Variants in MEGF11 observed in about 807,000 individuals in gnomAD.
MEGF11 encodes the protein multiple epidermal growth factor-like domains protein 11.
Under a neutral mutation model 146.6 loss-of-function variants are expected in MEGF11, and 126 were observed. That is an observed-to-expected ratio of 0.86 (90% confidence interval 0.74 to 1.00). The LOEUF is 1.00. MEGF11 is among the 50% of genes least tolerant of loss of function. The probability of loss-of-function intolerance (pLI) is 0.00; values close to 1 mark genes in which losing one functional copy is unlikely to be tolerated. For synonymous variants in MEGF11, 532 were observed against 583.4 expected (o/e 0.91, Z 1.27); for missense variants, 1,509 against 1,521.2 (o/e 0.99, Z 0.13).
intron 7 of MEGF11, among the ~76,000 whole-genome samples, chr15:65,971,651 G>A (rs550821323): frequency 6.6e-6 from 1 of 152,272 alleles, no homozygotes; most frequent in South Asian, 2.1e-4. Context: ...AGGAGCTCAA[G>A]AGAAATGACC....
In MEGF11 at chr15:65,930,870, T is replaced by G; in HGVS notation, c.1361A>C (p.Asn454Thr). 6.2e-7 allele frequency: 1 copy of G among 1,611,772 alleles called. No homozygotes were observed. Among genetic ancestry groups the G allele is most frequent in the Non-Finnish European group, 8.5e-7 (1 of 1,178,886 alleles). The part of the protein sequence containing the change: ...PNCSSICSCN[N>T]GGTCSPVDGS... ...ATCTACTGGGGAGCAGGTGCCACCATTGTTACAGCTACAGATGGACGAGCA... is the reference window on the plus strand; with the variant it reads ...ATCTACTGGGGAGCAGGTGCCACCAGTGTTACAGCTACAGATGGACGAGCA... The change falls in exon 11 of 26, where the codon AAT becomes ACT. Residue 454 changes from asparagine to threonine, a missense_variant. By Grantham distance (65) the Asn-to-Thr change is moderately conservative. Coordinates refer to ENST00000395614, the MANE Select transcript of MEGF11 (RefSeq NM_001385028.1).
At chr15:65,898,216 T>C (rs1416037398) in intron 25 of MEGF11, 122 bp from the exon 26 acceptor site, 5 of 1,458,368 alleles carry the variant, frequency 3.4e-6, no homozygotes, top group Non-Finnish European at 3.6e-6. Context: ...CTATGGCAAA[T>C]ACATGAGGGT....
chr15:65,939,622 G>C (rs558571530), intron 10 of MEGF11, among the ~76,000 whole-genome samples: 72 of 151,880 alleles, frequency 4.7e-4, no homozygotes, highest in African/African-American at 1.7e-3. Context: ...AGCCTCCTGA[G>C]TAGCTGGCAT....
intron 1 of MEGF11, among the ~76,000 whole-genome samples, chr15:66,218,932 G>A (rs1042471124): frequency 2.9e-4 from 33 of 113,280 alleles, no homozygotes; most frequent in African/African-American, 1.2e-3. Flanking sequence ...GAAGAGAAAA[G>A]ATAGCCTTTC....
At chr15:66,036,595 T>C (rs79475115) in intron 5 of MEGF11, among the ~76,000 whole-genome samples, 2 of 152,326 alleles carry the variant, frequency 1.3e-5, no homozygotes, top group South Asian at 4.1e-4. Flanking sequence ...TATTGGCTTT[T>C]TGACACCGAG....
chr15:65,943,135 C>A (rs1596878991), intron 10 of MEGF11, among the ~76,000 whole-genome samples: 1 of 151,824 alleles, frequency 6.6e-6, no homozygotes, highest in Non-Finnish European at 1.5e-5. Context: ...GCACATGCCA[C>A]CAGGCCTGGC....
intron 1 of MEGF11, among the ~76,000 whole-genome samples, chr15:66,236,952 C>T (rs1246409415): frequency 6.6e-6 from 1 of 152,196 alleles, no homozygotes; most frequent in Non-Finnish European, 1.5e-5. Context: ...TCTCAGGACC[C>T]TCCGTGTGCC....
chr15:66,169,066 T>C (rs1347064302), intron 1 of MEGF11, among the ~76,000 whole-genome samples: 1 of 152,224 alleles, frequency 6.6e-6, no homozygotes, highest in Middle Eastern at 3.2e-3. Flanking sequence ...AAATCCCACA[T>C]GTGCTCGCAT....
At chr15:65,970,513 T>C in intron 8 of MEGF11, 40 bp downstream of exon 8, 1 of 1,597,420 alleles carries the variant, frequency 6.3e-7, no homozygotes, top group Non-Finnish European at 8.6e-7. Context: ...TGAATATGAG[T>C]AAAATGGACA....
intron 5 of MEGF11, among the ~76,000 whole-genome samples, chr15:66,055,807 C>G (rs1251997339): frequency 2.0e-5 from 3 of 152,194 alleles, no homozygotes; most frequent in Non-Finnish European, 4.4e-5. Flanking sequence ...ACAACCTCAA[C>G]ATGATTCGGG....
chr15:66,161,418 C>T (rs2141077056), intron 1 of MEGF11, among the ~76,000 whole-genome samples: 1 of 152,246 alleles, frequency 6.6e-6, no homozygotes, highest in East Asian at 1.9e-4. Context: ...CAGGATCTTG[C>T]TCTATCACCC....
At chr15:65,913,408 G>A in intron 20 of MEGF11, 1 of 425,866 alleles carries the variant, frequency 2.3e-6, no homozygotes, top group Non-Finnish European at 4.3e-6. Flanking sequence ...TCAGGTTGGG[G>A]AGACAGTCCT....
chr15:65,990,613 A>AGG, intron 5 of MEGF11, among the ~76,000 whole-genome samples: 2 of 137,838 alleles, frequency 1.5e-5, no homozygotes, highest in Admixed American at 7.2e-5. Flanking sequence ...AAGAAAAGAA[A>AGG]AAAAAGAAAA....
At position 66,029,841 on chromosome 15, in the gene MEGF11, G is replaced by A. The variant is rs531675075; in HGVS notation, c.395-47353C>T. 6.6e-5 allele frequency among the ~76,000 whole-genome samples: 10 copies of A among 152,234 alleles called. No individual in the cohort carries two copies. In the South Asian group the frequency reaches 2.1e-3, roughly 32 times the overall value. On this transcript the variant is annotated intron_variant, in intron 5 of 25. Coordinates refer to ENST00000395614, the MANE Select transcript of MEGF11 (RefSeq NM_001385028.1). ...ACTGCCTATGACTCTTCCCTCCTGC[G>A]CTCCTCTAGGCTGAGCTGTCCCTTT...
intron 1 of MEGF11, among the ~76,000 whole-genome samples, chr15:66,246,613 T>C (rs2140256387): frequency 6.6e-6 from 1 of 151,826 alleles, no homozygotes; most frequent in East Asian, 1.9e-4. Flanking sequence ...GACACTAGCC[T>C]GGGCAATATG....
At chr15:65,986,792 C>CTTTTTTTTTTTTT (rs1491353062) in intron 5 of MEGF11, among the ~76,000 whole-genome samples, 8 of 133,998 alleles carry the variant, frequency 6.0e-5, no homozygotes, top group African/African-American at 1.9e-4. Flanking sequence ...GCTGATTTTT[C>CTTTTTTTTTTTTT]CTTTTTTTTT....
intron 1 of MEGF11, among the ~76,000 whole-genome samples, chr15:66,152,584 T>C (rs28378876): frequency 0.15 from 22,969 of 152,224 alleles, 2,573 homozygotes; most frequent in African/African-American, 0.32. Flanking sequence ...GAAACCTTCA[T>C]CCCTTGGCCC....
intron 1 of MEGF11, among the ~76,000 whole-genome samples, chr15:66,140,704 C>T (rs531608332): frequency 3.2e-4 from 49 of 152,068 alleles, no homozygotes; most frequent in Admixed American, 2.9e-3. Context: ...TTTGGCTGTG[C>T]GAAGAGGGAA....
intron 8 of MEGF11, among the ~76,000 whole-genome samples, chr15:65,969,036 T>C (rs2081212030): frequency 6.6e-6 from 1 of 152,174 alleles, no homozygotes; most frequent in Admixed American, 6.5e-5. Context: ...CCTCCTGTGG[T>C]TGATTGGCAA....
Sources: allele counts gnomAD v4.1 joint callset (sites outside exome capture counted in the v4.1 genomes callset), GRCh38; gene constraint gnomAD v4.1.1; transcripts MANE v1.5; gene names NCBI Gene and HGNC (gene_info 2026-07-23, HGNC 2026-07-21).